SLC25A23: variants seen among roughly 807,000 people sequenced by gnomAD.
SLC25A23 encodes the protein mitochondrial adenyl nucleotide antiporter SLC25A23.
SLC25A23 carries 32 observed loss-of-function variants against 53.9 expected under a neutral mutation model. The observed-to-expected ratio is 0.59, with a 90% CI of 0.45 to 0.80. The LOEUF (loss-of-function observed/expected upper bound fraction) is 0.80. SLC25A23 is among the 30% of genes least tolerant of loss of function. SLC25A23 has a pLI of 0.00. For missense variants in SLC25A23, 575 were observed against 651.4 expected, an observed-to-expected ratio of 0.88 and a Z score of 1.28; for synonymous variants, 275 against 264.5, an observed-to-expected ratio of 1.04 and a Z score of -0.38.
rs745955363 is a variant in SLC25A23 at position 6,456,441 on chromosome 19, C to T, written c.462G>A (p.Leu154=). ...TCACCGTGGAATGCTTCCAGAAATACAGCACGTCCTCCACATTTTCCAGCG... is the reference window on the plus strand; with the variant it reads ...TCACCGTGGAATGCTTCCAGAAATATAGCACGTCCTCCACATTTTCCAGCG... The part of the protein sequence containing the change: ...LHSLENVEDV[L]YFWKHSTVLD... Residue 154 remains leucine, a synonymous_variant, in exon 4 of 10, where the codon CTG becomes CTA. Transcript: ENST00000301454. 3.1e-6 allele frequency: 5 copies of T among 1,614,100 alleles called. No individual in the cohort carries two copies. Among genetic ancestry groups the T allele is most frequent in the Non-Finnish European group, 4.2e-6 (5 of 1,180,016 alleles).
At chr19:6,448,287 C>T (rs2092535756) in intron 8 of SLC25A23, among the ~76,000 whole-genome samples, 1 of 152,126 alleles carries the variant, frequency 6.6e-6, no homozygotes, top group African/African-American at 2.4e-5. Flanking sequence ...AATGCCTAGC[C>T]CAGGCACAGA....
intron 7 of SLC25A23, among the ~76,000 whole-genome samples, chr19:6,453,710 C>T (rs1216655180): frequency 6.6e-6 from 1 of 152,210 alleles, no homozygotes; most frequent in Admixed American, 6.5e-5. Context: ...AACGTGCACC[C>T]TATCCTTAGA....
At chr19:6,442,181 AC>A in intron 9 of SLC25A23, 22 bp from the exon 10 acceptor site, 4 of 1,470,702 alleles carry the variant, frequency 2.7e-6, no homozygotes, top group Non-Finnish European at 3.6e-6. Context: ...CGGGGGGGGC[AC>A]CAGGTAAGGC....
intron 2 of SLC25A23, 129 bp downstream of exon 2, chr19:6,458,069 C>G (rs1007907665): frequency 2.7e-5 from 34 of 1,255,692 alleles, no homozygotes; most frequent in Admixed American, 1.3e-4. Context: ...CTGAAATAGC[C>G]TATGAGTCAT....
chr19:6,442,882 C>T (rs1006354357), intron 9 of SLC25A23, among the ~76,000 whole-genome samples: 10 of 151,844 alleles, frequency 6.6e-5, no homozygotes, highest in African/African-American at 9.7e-5. Context: ...GATCCGCCCA[C>T]CTCGGCCTCC....
At position 6,444,235 on chromosome 19, in the gene SLC25A23, G is replaced by C. The variant is rs1391760217; in HGVS notation, c.1138C>G (p.Leu380Val). 6.2e-7 allele frequency: 1 copy of C among 1,605,222 alleles called. No individual in the cohort carries two copies. The highest frequency in any genetic ancestry group is 8.5e-7 in the Non-Finnish European group (1 of 1,176,840). ...GTGCTGGATATGGTACCGCAGGCCA[G>C]GAGCACGAGGATGCCTGGGTCTGCC... ...DSADPGILVLLACGTISSTCG... is the reference protein window; with the variant it reads ...DSADPGILVLVACGTISSTCG... The change falls in exon 9 of 10, where the codon CTG becomes GTG. Residue 380 changes from leucine (L) to valine (V), a missense_variant. By Grantham distance (32) the Leu-to-Val change is conservative. Transcript: ENST00000301454.
Position 6,454,165 on chromosome 19 carries a change from C to G in SLC25A23, c.796-77G>C. 1 of 1,529,756 alleles carries G rather than the reference C, an allele frequency of 6.5e-7. No homozygotes were observed. The highest frequency in any genetic ancestry group is 8.9e-7 in the Non-Finnish European group (1 of 1,126,364). The allele number at this position is 1,529,756 out of a possible 1,614,324, so 94.8% of individuals were successfully genotyped here. A position where few individuals can be genotyped will look rare whatever the true frequency, so the allele number is the denominator to read the frequency against. On this transcript the variant is annotated intron_variant, in intron 6 of 9. Transcript: ENST00000301454. This position sits in a 1 kb window ranked among gnomAD's most constrained non-coding sequence, Gnocchi z 4.3. ...TTGCACTCCACTGTTCTCCTGGCTT[C>G]CAAAGAACTGGCTTGCTGCAGGCAT...
Position 6,442,088 on chromosome 19 carries a change from G to A in SLC25A23, c.1294C>T (p.Arg432Trp), listed in dbSNP as rs563978358. Residue 432 changes from arginine (R) to tryptophan (W), a missense_variant, in exon 10 of 10, where the codon CGG becomes TGG. Arg to Trp is a moderately radical substitution (Grantham distance 101). Coordinates refer to ENST00000301454, the MANE Select transcript of SLC25A23 (RefSeq NM_024103.3). ...GGGGCGATCCCCCGGTAGAGGCCCCGCATGCCCTCCTGGGACAGGATGTGA... is the reference window on the plus strand; with the variant it reads ...GGGGCGATCCCCCGGTAGAGGCCCCACATGCCCTCCTGGGACAGGATGTGA... ...LRHILSQEGM[R>W]GLYRGIAPNF... 4.1e-5 allele frequency: 66 copies of A among 1,611,254 alleles called. No individual in the cohort carries two copies. The Middle Eastern group carries it at 6.6e-4, about 16-fold the overall frequency.
downstream of SLC25A23, chr19:6,438,672 T>C: frequency 5.3e-6 from 1 of 187,950 alleles, no homozygotes; most frequent in Non-Finnish European, 1.2e-5. Flanking sequence ...AACACGGGAA[T>C]ACCTGGTCTC....
rs1201258096 is a variant in SLC25A23, at chr19:6,441,884, G to A, written c.*91C>T. 3 of 1,271,610 alleles carry A rather than the reference G, an allele frequency of 2.4e-6. No individual in the cohort carries two copies. The highest frequency in any genetic ancestry group is 3.0e-5 in the African/African-American group (2 of 67,334). The allele number at this position is 1,271,610 out of a possible 1,614,324, so 78.8% of individuals were successfully genotyped here. A position where few individuals can be genotyped will look rare whatever the true frequency, so the allele number is the denominator to read the frequency against. On this transcript the variant is annotated 3_prime_UTR_variant, in exon 10 of 10. Transcript: ENST00000301454. ...AGGATCTGGGTACTGGGATCTCGTG[G>A]CCAAAGAGTAGGGATCCTGTGGTTG... is the stretch of plus-strand genomic sequence containing the variant.
At chr19:6,452,557 G>A (rs992755339) in intron 7 of SLC25A23, 78 bp from the exon 8 acceptor site, 6 of 1,492,606 alleles carry the variant, frequency 4.0e-6, no homozygotes, top group Admixed American at 4.7e-5. Flanking sequence ...CCTAGAAATA[G>A]CTACTCCTGA....
chr19:6,452,519 C>T (rs1176256594), intron 7 of SLC25A23, 40 bp from the exon 8 acceptor site: 1 of 1,573,180 alleles, frequency 6.4e-7, no homozygotes, highest in African/African-American at 1.4e-5. Context: ...GCTGTCCCAC[C>T]AAATCGCTAC....
chr19:6,453,677 C>T (rs2092627757), intron 7 of SLC25A23, among the ~76,000 whole-genome samples: 1 of 152,166 alleles, frequency 6.6e-6, no homozygotes. Flanking sequence ...CAGTTGGTGA[C>T]ACCTAGACAC....
intron 8 of SLC25A23, among the ~76,000 whole-genome samples, chr19:6,446,193 A>G (rs1160453523): frequency 2.0e-5 from 3 of 152,062 alleles, no homozygotes; most frequent in African/African-American, 4.8e-5. Context: ...GCGAAACTCC[A>G]TCTCTACTAA....
rs1031531397 is a variant in SLC25A23 at position 6,459,752 on chromosome 19, G to C, written c.-124C>G. The C allele has an allele frequency of 1.3e-6, 1 of 794,326 alleles. No homozygotes were observed. Among genetic ancestry groups the C allele is most frequent in the Non-Finnish European group, 1.7e-6 (1 of 601,574 alleles). The allele number at this position is 794,326 out of a possible 1,614,324, so 49.2% of individuals were successfully genotyped here. A position where few individuals can be genotyped will look rare whatever the true frequency, so the allele number is the denominator to read the frequency against. On this transcript the variant is annotated 5_prime_UTR_variant, in exon 1 of 10. Coordinates refer to ENST00000301454, the MANE Select transcript of SLC25A23 (RefSeq NM_024103.3). The surrounding 1 kb of genome is among the most constrained non-coding windows in gnomAD (Gnocchi z 4.6). ...CGCGGCCGCCGGCTCCGCAGCCTCC[G>C]CGCAGTCCGCTCGGCTCTGGCACTT...
At position 6,453,985 on chromosome 19, in the gene SLC25A23, A is replaced by G; in HGVS notation, c.899T>C (p.Met300Thr). 6.2e-7 allele frequency: 1 copy of G among 1,612,282 alleles called. No individual in the cohort carries two copies. Among genetic ancestry groups the G allele is most frequent in the Non-Finnish European group, 8.5e-7 (1 of 1,179,366 alleles). Residue 300 changes from methionine to threonine, a missense_variant, in exon 7 of 10, where the codon ATG (methionine) becomes ACG (threonine). Physicochemically the swap from Met to Thr is moderately conservative, Grantham distance 81 (BLOSUM62 -1). Coordinates refer to ENST00000301454, the MANE Select transcript of SLC25A23 (RefSeq NM_024103.3). ...GCTGGGGTCCCTCCTTCTCACCTCC[A>G]TAGGGTAAATGATGGTTTGGGCTGT... ...GATAQTIIYP[M>T]EVLKTRLTLR...
chr19:6,438,029 C>G (rs1020836760), downstream of SLC25A23, among the ~76,000 whole-genome samples: 2 of 142,670 alleles, frequency 1.4e-5, no homozygotes, highest in African/African-American at 2.7e-5. Flanking sequence ...GAGCCGAGAT[C>G]GTGCCACTGC....
At chr19:6,450,255 A>T (rs1348321005) in intron 8 of SLC25A23, among the ~76,000 whole-genome samples, 4 of 151,900 alleles carry the variant, frequency 2.6e-5, no homozygotes. Flanking sequence ...CCACTCCTCC[A>T]AAAGGCCGTA....
In SLC25A23 at chr19:6,453,968, C is replaced by A. The variant is rs757695392; in HGVS notation, c.903+13G>T. 5 of 1,604,756 alleles carry A rather than the reference C, an allele frequency of 3.1e-6. No individual in the cohort carries two copies. Among genetic ancestry groups the A allele is most frequent in the Non-Finnish European group, 3.4e-6 (4 of 1,174,938 alleles). On this transcript the variant is annotated intron_variant, in intron 7 of 9. Coordinates refer to ENST00000301454, the MANE Select transcript of SLC25A23 (RefSeq NM_024103.3). Reference sequence around the variant, plus strand: ...CCTGCCATGGGGCCTCCGCTGGGGTCCCTCCTTCTCACCTCCATAGGGTAA... The same window carrying A: ...CCTGCCATGGGGCCTCCGCTGGGGTACCTCCTTCTCACCTCCATAGGGTAA...
Sources: gnomAD v4.1 joint callset for allele counts (sites outside exome capture counted in the v4.1 genomes callset) on GRCh38, gnomAD v4.1.1 for gene constraint, Gnocchi (gnomAD v3.1) non-coding constraint, MANE v1.5 for transcripts, NCBI Gene and HGNC (gene_info 2026-07-23, HGNC 2026-07-21) for gene names.